The following C4BPA variants were observed in gnomAD, a reference collection of about 807,000 sequenced individuals.
The protein encoded by C4BPA is complement component 4 binding protein alpha, also known as C4b-binding protein alpha chain.
A neutral mutation model predicts 63.7 loss-of-function variants in C4BPA; 31 were observed. The observed-to-expected ratio is 0.49, with a 90% confidence interval of 0.37 to 0.66. The LOEUF is 0.66. C4BPA is among the 30% of genes least tolerant of loss of function. The pLI is 0.00. For missense variants in C4BPA, 572 were observed against 723.3 expected (o/e 0.79, Z 2.40); for synonymous variants, 259 against 254.7 (o/e 1.02, Z -0.16).
At chr1:207,134,931 T>C (rs1685246784) in intron 9 of C4BPA, among the ~76,000 whole-genome samples, 1 of 152,238 alleles carries the variant, frequency 6.6e-6, no homozygotes, top group Non-Finnish European at 1.5e-5. Flanking sequence ...CTATTGAATC[T>C]GCCTTTCTGA....
chr1:207,125,991 G>T (rs1685033565), intron 6 of C4BPA, among the ~76,000 whole-genome samples: 1 of 151,992 alleles, frequency 6.6e-6, no homozygotes, highest in South Asian at 2.1e-4. Context: ...ATGGGTCTCT[G>T]ATCCCCTGGG....
intron 1 of C4BPA, among the ~76,000 whole-genome samples, chr1:207,105,557 C>CA (rs544639312): frequency 0.26 from 17,172 of 65,158 alleles, 1,504 homozygotes; most frequent in Middle Eastern, 0.36. Flanking sequence ...AACTCCACCT[C>CA]AAAAAAAAAA....
chr1:207,114,483 T>C (rs1468674489), intron 3 of C4BPA, among the ~76,000 whole-genome samples, 198 bp downstream of exon 3: 1 of 138,478 alleles, frequency 7.2e-6, no homozygotes, highest in African/African-American at 3.0e-5. Flanking sequence ...AATAACTCTG[T>C]TCTTTTTTTT....
intron 4 of C4BPA, among the ~76,000 whole-genome samples, chr1:207,120,108 T>A (rs1308395037): frequency 1.3e-5 from 2 of 152,144 alleles, no homozygotes; most frequent in African/African-American, 4.8e-5. Context: ...AGAAGCAATC[T>A]AATTTTTCCC....
chr1:207,120,585 C>T (rs1194141379), intron 4 of C4BPA, among the ~76,000 whole-genome samples: 1 of 151,688 alleles, frequency 6.6e-6, no homozygotes, highest in Admixed American at 6.6e-5. Context: ...AGCAACATAG[C>T]GAAACCCATC....
intron 4 of C4BPA, among the ~76,000 whole-genome samples, chr1:207,121,913 A>G (rs1456120225): frequency 6.6e-6 from 1 of 152,114 alleles, no homozygotes; most frequent in Non-Finnish European, 1.5e-5. Flanking sequence ...TGTATTTAAC[A>G]TTAATGTGAA....
At chr1:207,118,133 A>G (rs974273820) in intron 4 of C4BPA, among the ~76,000 whole-genome samples, 24 of 98,824 alleles carry the variant, frequency 2.4e-4, no homozygotes, top group African/African-American at 3.2e-4. Context: ...TCTATCATCT[A>G]TCTGTCTGTC....
chr1:207,130,895 C>T (rs1685144842), intron 7 of C4BPA, among the ~76,000 whole-genome samples: 1 of 151,160 alleles, frequency 6.6e-6, no homozygotes, highest in Non-Finnish European at 1.5e-5. Flanking sequence ...TTGCACAACT[C>T]TGTATATACT....
At position 207,113,036 on chromosome 1, in the gene C4BPA, C is replaced by T. The variant is rs55867570; in HGVS notation, c.11C>T (p.Pro4Leu). 6.3e-7 allele frequency: 1 copy of T among 1,596,802 alleles called. No homozygotes were observed. The change falls in exon 2 of 12, where the codon CCA (proline) becomes CTA (leucine). Residue 4 changes from proline to leucine, a missense_variant. By Grantham distance (98) the Pro-to-Leu change is moderately conservative. Transcript: ENST00000367070. Reference sequence around the variant, plus strand: ...GCGAAGCAGCAGGCCATGCACCCCCCAAAAACTCCATCTGGGGCTCTTCAT... The same window carrying T: ...GCGAAGCAGCAGGCCATGCACCCCCTAAAAACTCCATCTGGGGCTCTTCAT... Reference protein sequence around the residue: MHPPKTPSGALHRK... With the variant: MHPLKTPSGALHRK...
intron 4 of C4BPA, among the ~76,000 whole-genome samples, chr1:207,115,849 G>A (rs189215476): frequency 5.3e-5 from 8 of 152,030 alleles, no homozygotes; most frequent in South Asian, 2.1e-4. Context: ...CCATGTTTGC[G>A]CATAGAGAGT....
At chr1:207,116,138 G>T (rs1317506854) in intron 4 of C4BPA, among the ~76,000 whole-genome samples, 2 of 152,180 alleles carry the variant, frequency 1.3e-5, no homozygotes, top group Non-Finnish European at 2.9e-5. Context: ...TGGTTTTGCA[G>T]AGTATGTAAA....
chr1:207,128,750 T>C (rs1685100740), intron 7 of C4BPA, among the ~76,000 whole-genome samples: 1 of 152,150 alleles, frequency 6.6e-6, no homozygotes, highest in Admixed American at 6.6e-5. Flanking sequence ...ACTAGTCCAA[T>C]TATGTCACTA....
At chr1:207,118,177 A>ATCTATCATC (rs1558089396) in intron 4 of C4BPA, among the ~76,000 whole-genome samples, 14 of 147,458 alleles carry the variant, frequency 9.5e-5, no homozygotes, top group Non-Finnish European at 1.8e-4. Context: ...CTATCTATCT[A>ATCTATCATC]TATCTATCTA....
chr1:207,122,854 G>A (rs7538814), intron 4 of C4BPA, among the ~76,000 whole-genome samples: 88,300 of 151,694 alleles, frequency 0.58, 26,992 homozygotes, highest in East Asian at 0.73. Flanking sequence ...TATTACAGGA[G>A]TAAGCCACCA....
intron 9 of C4BPA, among the ~76,000 whole-genome samples, chr1:207,140,115 A>G (rs528494594): frequency 1.4e-4 from 21 of 152,308 alleles, no homozygotes; most frequent in African/African-American, 4.6e-4. Flanking sequence ...TCTGAGGCAT[A>G]TGAGCAGCTT....
rs397764902 is a variant in C4BPA, at chr1:207,116,374, T to TC, written c.428+861dup. Among the ~76,000 whole-genome samples the TC allele has an allele frequency of 6.6e-5, 10 of 152,096 alleles. No individual in the cohort carries two copies. The East Asian group carries it at 1.7e-3, about 26-fold the overall frequency. On this transcript the variant is annotated intron_variant, in intron 4 of 11. Coordinates refer to ENST00000367070, the MANE Select transcript of C4BPA (RefSeq NM_000715.4). ...TCTGATGCCTGGTTGTTGTTTTTTT[T>TC]CCTTAACTTGTTGAACTTTTTATTC...
At chr1:207,109,032 C>T (rs11120223) in intron 1 of C4BPA, among the ~76,000 whole-genome samples, 146 of 152,174 alleles carry the variant, frequency 9.6e-4, no homozygotes, top group African/African-American at 3.3e-3. Context: ...GTGGGTGATT[C>T]AGGTATGATG....
Position 207,143,926 on chromosome 1 carries a change from T to C in C4BPA, c.1553T>C (p.Val518Ala). 6.2e-7 allele frequency: 1 copy of C among 1,612,206 alleles called. No homozygotes were observed. Among genetic ancestry groups the C allele is most frequent in the East Asian group, 2.2e-5 (1 of 44,818 alleles). Residue 518 changes from valine (V) to alanine (A), a missense_variant, in exon 11 of 12, where the codon GTT (valine) becomes GCT (alanine). Coordinates refer to ENST00000367070, the MANE Select transcript of C4BPA (RefSeq NM_000715.4). ...CAATGTGATTCTGGCTATGGTGTGG[T>C]TGGTCCCCAAAGTATCACTTGCTCT... ...TIQCDSGYGV[V>A]GPQSITCSGN... is the part of the protein sequence containing the mutation.
chr1:207,138,514 G>T (rs1558097503), intron 9 of C4BPA, among the ~76,000 whole-genome samples: 3 of 152,134 alleles, frequency 2.0e-5, no homozygotes, highest in African/African-American at 4.8e-5. Flanking sequence ...CTTGCTTCAG[G>T]ATCTCAAGGA....
Sources: allele counts gnomAD v4.1 joint callset (sites outside exome capture counted in the v4.1 genomes callset), GRCh38; gene constraint gnomAD v4.1.1; transcripts MANE v1.5; gene names NCBI Gene and HGNC (gene_info 2026-07-23, HGNC 2026-07-21).